Variants in ZNF592 observed in about 807,000 individuals in gnomAD.
ZNF592 encodes the protein zinc finger protein 592.
Under a neutral mutation model 80.3 loss-of-function variants are expected in ZNF592, and 11 were observed. The observed-to-expected ratio is 0.14, with a 90% confidence interval of 0.09 to 0.23. The LOEUF is 0.23. Among genes scored for constraint, ZNF592 ranks in the 10% least tolerant of loss-of-function variants. The pLI, the probability that ZNF592 is intolerant of heterozygous loss-of-function variation, is 1.00. For missense variants in ZNF592, 1,420 were observed against 1,633.9 expected (o/e 0.87, Z 2.26); for synonymous variants, 646 against 640.3 (o/e 1.01, Z -0.13).
chr15:84,765,073 C>G (rs1899467740), intron 2 of ZNF592, among the ~76,000 whole-genome samples: 1 of 152,056 alleles, frequency 6.6e-6, no homozygotes, highest in South Asian at 2.1e-4. Flanking sequence ...ACAGTAACTC[C>G]CTCTCTCTCT....
intron 1 of ZNF592, among the ~76,000 whole-genome samples, chr15:84,760,115 T>TGAG (rs1190675454): frequency 2.0e-5 from 3 of 149,274 alleles, no homozygotes; most frequent in African/African-American, 7.3e-5. Flanking sequence ...TGATAGAATT[T>TGAG]GAGGATAAGT....
chr15:84,794,785 A>G (rs1042564912), intron 5 of ZNF592, among the ~76,000 whole-genome samples: 55 of 152,256 alleles, frequency 3.6e-4, no homozygotes, highest in African/African-American at 1.3e-3. Flanking sequence ...CCTGGACTCC[A>G]TCTTCTTTGG....
chr15:84,752,096 G>A (rs559837609), intron 1 of ZNF592, among the ~76,000 whole-genome samples: 27 of 152,040 alleles, frequency 1.8e-4, no homozygotes, highest in African/African-American at 5.6e-4. Context: ...AAATATCCAC[G>A]TTGCATCTCA....
At chr15:84,797,240 C>T (rs139958816) in intron 5 of ZNF592, among the ~76,000 whole-genome samples, 7 of 152,356 alleles carry the variant, frequency 4.6e-5, no homozygotes, top group Non-Finnish European at 7.3e-5. Flanking sequence ...GGATTACAGG[C>T]GTGACCTATC....
At chr15:84,788,857 C>T (rs1188145550) in intron 4 of ZNF592, among the ~76,000 whole-genome samples, 1 of 152,126 alleles carries the variant, frequency 6.6e-6, no homozygotes, top group African/African-American at 2.4e-5. Context: ...CTTTTTGTGA[C>T]TGGCTTTTCC....
chr15:84,804,444 C>G lies in ZNF592; in HGVS notation c.*2051C>G, dbSNP rs1434525162. The G allele has an allele frequency of 6.6e-6, 1 of 152,240 alleles. No homozygotes were observed. Among genetic ancestry groups the G allele is most frequent in the South Asian group, 2.1e-4 (1 of 4,838 alleles). 9.4% of individuals were successfully genotyped at this position (152,240 alleles called of 1,614,324 possible). A position where few individuals can be genotyped will look rare whatever the true frequency, so the allele number is the denominator to read the frequency against. ...ACCACCTGTCGTGACCCCAGATATACATCTCCTTCCTGGGAAGAACGTGAG... is the reference window on the plus strand; with the variant it reads ...ACCACCTGTCGTGACCCCAGATATAGATCTCCTTCCTGGGAAGAACGTGAG... On this transcript the variant is annotated 3_prime_UTR_variant, in exon 11 of 11. Transcript: ENST00000560079.
rs1490664408 is a variant in ZNF592, at chr15:84,784,206, G to A, written c.1531G>A (p.Val511Ile). 3.7e-6 allele frequency: 6 copies of A among 1,614,142 alleles called. No homozygotes were observed. Among genetic ancestry groups the A allele is most frequent in the Admixed American group, 1.7e-5 (1 of 60,020 alleles). ...CGTGCACTTGGCCAACCTGAACCTC[G>A]TCCCCCACAGTGTTGCTGCATCAGT... ...KAVHLANLNL[V>I]PHSVAASVTA... Residue 511 changes from valine to isoleucine, a missense_variant, in exon 4 of 11, where the codon GTC becomes ATC. This residue lies in a region of ZNF592 where 524 missense variants were observed against 628.3 expected (regional missense o/e 0.83). Coordinates refer to ENST00000560079, the MANE Select transcript of ZNF592 (RefSeq NM_014630.3). The surrounding 1 kb of genome is among the most constrained non-coding windows in gnomAD (Gnocchi z 5.8).
chr15:84,748,843 C>T (rs1898926290), intron 1 of ZNF592, among the ~76,000 whole-genome samples, 179 bp downstream of exon 1: 2 of 147,132 alleles, frequency 1.4e-5, no homozygotes, highest in African/African-American at 4.9e-5. Flanking sequence ...CGCCGCCTGG[C>T]GGGCCCGGGC....
intron 1 of ZNF592, among the ~76,000 whole-genome samples, chr15:84,762,638 T>C (rs1899384905): frequency 1.3e-5 from 2 of 152,226 alleles, no homozygotes; most frequent in Middle Eastern, 3.4e-3. Context: ...ATAAGCCTTA[T>C]CCCCTGTATT....
intron 1 of ZNF592, chr15:84,754,573 GTGA>G (rs1357275177): frequency 6.6e-6 from 1 of 151,338 alleles, no homozygotes; most frequent in Non-Finnish European, 1.5e-5. Context: ...AAAAAAAAAG[GTGA>G]TGATGGTGGG....
At chr15:84,795,596 A>G (rs1357653539) in intron 5 of ZNF592, among the ~76,000 whole-genome samples, 3 of 152,226 alleles carry the variant, frequency 2.0e-5, no homozygotes, top group South Asian at 2.1e-4. Flanking sequence ...CTTTACACAT[A>G]TCAGATGTAC....
At chr15:84,767,783 T>C (rs1031395783) in intron 2 of ZNF592, among the ~76,000 whole-genome samples, 16 of 152,168 alleles carry the variant, frequency 1.1e-4, no homozygotes, top group African/African-American at 3.9e-4. Context: ...ATAATTCACA[T>C]GCCATACAAT....
chr15:84,756,823 T>G (rs898840156), intron 1 of ZNF592, among the ~76,000 whole-genome samples: 2 of 152,042 alleles, frequency 1.3e-5, no homozygotes, highest in African/African-American at 4.8e-5. Flanking sequence ...CTTTAAAAAT[T>G]TTTTTTTGCT....
intron 1 of ZNF592, among the ~76,000 whole-genome samples, chr15:84,757,410 A>G (rs1406407597): frequency 2.7e-5 from 4 of 149,574 alleles, no homozygotes; most frequent in Admixed American, 2.7e-4. Flanking sequence ...CAGTGGTGCA[A>G]TCATAGCTCA....
chr15:84,802,563 A>T lies in ZNF592; in HGVS notation c.*170A>T. On this transcript the variant is annotated 3_prime_UTR_variant, in exon 11 of 11. Coordinates refer to ENST00000560079, the MANE Select transcript of ZNF592 (RefSeq NM_014630.3). The stretch of plus-strand genomic sequence containing the variant: ...TGCTGGGTATCCCCCAGCCCCAGGA[A>T]ATGTGGGGTCGGCCAGGACCCTCAC... The T allele has an allele frequency of 1.3e-6, 1 of 780,732 alleles. No individual in the cohort carries two copies. The highest frequency in any genetic ancestry group is 2.1e-6 in the Non-Finnish European group (1 of 486,434). The allele number at this position is 780,732 out of a possible 1,614,324, so 48.4% of individuals were successfully genotyped here.
chr15:84,767,663 T>C (rs1899569194), intron 2 of ZNF592, among the ~76,000 whole-genome samples: 2 of 152,072 alleles, frequency 1.3e-5, no homozygotes, highest in African/African-American at 2.4e-5. Flanking sequence ...GCTTGCTGCC[T>C]ATGCCTAGTT....
intron 1 of ZNF592, among the ~76,000 whole-genome samples, chr15:84,760,084 G>C (rs867440549): frequency 0.013 from 1,920 of 151,658 alleles, 40 homozygotes; most frequent in African/African-American, 0.041. Context: ...AGAGGGGAGT[G>C]ATCCTTTTAA....
At chr15:84,759,085 T>C (rs537089011) in intron 1 of ZNF592, among the ~76,000 whole-genome samples, 1 of 152,250 alleles carries the variant, frequency 6.6e-6, no homozygotes, top group South Asian at 2.1e-4. Flanking sequence ...ATTTTAAATA[T>C]AAGTAAACAT....
intron 3 of ZNF592, among the ~76,000 whole-genome samples, chr15:84,778,586 A>G (rs1237705357): frequency 1.3e-5 from 2 of 152,212 alleles, no homozygotes; most frequent in African/African-American, 2.4e-5. Context: ...TTGCATATCA[A>G]AGGTTGCTGG....
Sources: gnomAD v4.1 joint callset for allele counts (sites outside exome capture counted in the v4.1 genomes callset) on GRCh38, gnomAD v4.1.1 for gene constraint, gnomAD v4.1.1 regional missense constraint, Gnocchi (gnomAD v3.1) non-coding constraint, MANE v1.5 for transcripts, NCBI Gene and HGNC (gene_info 2026-07-23, HGNC 2026-07-21) for gene names.